The following ARHGAP22 variants were observed in gnomAD, a reference collection of about 807,000 sequenced individuals.
The protein encoded by ARHGAP22 is rho GTPase-activating protein 22.
A neutral mutation model predicts 59.1 loss-of-function variants in ARHGAP22; 48 were observed. The ratio of observed to expected loss-of-function variants is 0.81; its 90% CI spans 0.64 to 1.03. The LOEUF is 1.03. Ranked by LOEUF, ARHGAP22 falls within the 50% of genes least tolerant of loss-of-function variation. The pLI is 0.00. For missense variants in ARHGAP22, 1,015 were observed against 958.7 expected, an observed-to-expected ratio of 1.06 and a Z score of -0.78; for synonymous variants, 445 against 416.4, an observed-to-expected ratio of 1.07 and a Z score of -0.84.
intron 3 of ARHGAP22, among the ~76,000 whole-genome samples, chr10:48,482,655 T>C (rs912698377): frequency 6.6e-6 from 1 of 152,228 alleles, no homozygotes; most frequent in Non-Finnish European, 1.5e-5. Context: ...AGGTTTTTTT[T>C]ATTGATACAT....
intron 1 of ARHGAP22, among the ~76,000 whole-genome samples, chr10:48,643,111 A>C (rs900958625): frequency 6.6e-6 from 1 of 152,216 alleles, no homozygotes; most frequent in Non-Finnish European, 1.5e-5. Flanking sequence ...GAGGATGTGG[A>C]GAAATAGGAA....
At chr10:48,535,844 GA>G (rs937357024) in intron 3 of ARHGAP22, among the ~76,000 whole-genome samples, 15 of 152,274 alleles carry the variant, frequency 9.9e-5, no homozygotes, top group African/African-American at 3.4e-4. Flanking sequence ...GCTGTGATAT[GA>G]AAAAAAGAGA....
At chr10:48,548,567 C>T (rs1377391630) in intron 3 of ARHGAP22, among the ~76,000 whole-genome samples, 4 of 152,334 alleles carry the variant, frequency 2.6e-5, no homozygotes, top group African/African-American at 7.2e-5. Context: ...GACAGGCCTG[C>T]TCTGGGATCT....
chr10:48,628,758 A>G (rs972444109), intron 1 of ARHGAP22, among the ~76,000 whole-genome samples: 3 of 152,108 alleles, frequency 2.0e-5, no homozygotes, highest in African/African-American at 7.2e-5. Context: ...ACACCTTCCC[A>G]TTCCCCAGGT....
At chr10:48,454,857 GCCCCCACCACAC>G in intron 6 of ARHGAP22, 133 bp downstream of exon 6, 1 of 1,079,206 alleles carries the variant, frequency 9.3e-7, no homozygotes, top group Non-Finnish European at 1.2e-6. Flanking sequence ...GATGCTCCAG[GCCCCCACCACAC>G]CCCCAACACA....
At chr10:48,451,285 C>T in intron 8 of ARHGAP22, 145 bp from the exon 9 acceptor site, 1 of 1,143,742 alleles carries the variant, frequency 8.7e-7, no homozygotes, top group Non-Finnish European at 1.3e-6. Context: ...TTCATCCGCC[C>T]AGAGGAAAGG....
At chr10:48,529,172 A>T (rs2054598298) in intron 3 of ARHGAP22, among the ~76,000 whole-genome samples, 1 of 152,192 alleles carries the variant, frequency 6.6e-6, no homozygotes, top group Non-Finnish European at 1.5e-5. Context: ...CTAGAGCGAG[A>T]TAGGGACTGG....
At chr10:48,474,268 C>T (rs2048497768) in intron 4 of ARHGAP22, among the ~76,000 whole-genome samples, 1 of 152,148 alleles carries the variant, frequency 6.6e-6, no homozygotes, top group Non-Finnish European at 1.5e-5. Flanking sequence ...CTACTGTACA[C>T]AAATAAAATT....
rs546860379 is a variant in ARHGAP22, at chr10:48,644,095, C to T, written c.52+8139G>A. ...CTGGGAGGCAGAGGTTGCGGTGAGC[C>T]GAGATCGTGCCATTGCACTCCAGCC... On this transcript the variant is annotated intron_variant, in intron 1 of 9. Coordinates refer to the ARHGAP22 transcript ENST00000435790. Among the ~76,000 whole-genome samples, 136 of 152,132 alleles carry T rather than the reference C, an allele frequency of 8.9e-4. 1 individual carries two copies. Among genetic ancestry groups the T allele is most frequent in the African/African-American group, 2.9e-3 (120 of 41,506 alleles).
exon 1 of ARHGAP22, chr10:48,652,320 A>G (rs1440658760): frequency 6.5e-7 from 1 of 1,530,698 alleles, no homozygotes; most frequent in South Asian, 1.2e-5. Flanking sequence ...TTTCTTCTGT[A>G]TCCTTTTTAT....
At chr10:48,647,546 C>A (rs1192255625) in intron 1 of ARHGAP22, among the ~76,000 whole-genome samples, 5 of 151,608 alleles carry the variant, frequency 3.3e-5, no homozygotes, top group Non-Finnish European at 7.4e-5. Context: ...AAAACAATAG[C>A]AAGTGTTGGT....
chr10:48,480,061 C>A (rs2049145766), intron 3 of ARHGAP22, among the ~76,000 whole-genome samples: 1 of 152,178 alleles, frequency 6.6e-6, no homozygotes, highest in South Asian at 2.1e-4. Context: ...AGATGTTAGG[C>A]CAGCTCAGAG....
intron 1 of ARHGAP22, among the ~76,000 whole-genome samples, chr10:48,633,410 T>A (rs2061694635): frequency 6.6e-6 from 1 of 152,232 alleles, no homozygotes; most frequent in Non-Finnish European, 1.5e-5. Context: ...AAGGAAACAA[T>A]TCTCAGCCAG....
chr10:48,566,665 C>T (rs1394376699), intron 2 of ARHGAP22, among the ~76,000 whole-genome samples: 4 of 152,200 alleles, frequency 2.6e-5, no homozygotes, highest in Non-Finnish European at 2.9e-5. Context: ...GTCAGCAGAT[C>T]GGACCTGGGA....
chr10:48,571,840 T>C (rs1387037291), intron 2 of ARHGAP22, among the ~76,000 whole-genome samples: 1 of 152,208 alleles, frequency 6.6e-6, no homozygotes, highest in African/African-American at 2.4e-5. Flanking sequence ...GTGGTTTTTC[T>C]CTCATTCACG....
At chr10:48,478,072 G>A (rs2048911939) in intron 4 of ARHGAP22, among the ~76,000 whole-genome samples, 1 of 151,958 alleles carries the variant, frequency 6.6e-6, no homozygotes, top group African/African-American at 2.4e-5. Flanking sequence ...TTCCTTCCCT[G>A]GTGCTCAAAA....
chr10:48,450,518 C>T lies in ARHGAP22; in HGVS notation c.1611G>A (p.Ser537=). 3 of 1,525,192 alleles carry T rather than the reference C, an allele frequency of 2.0e-6. No individual in the cohort carries two copies. The highest frequency in any genetic ancestry group is 1.8e-6 in the Non-Finnish European group (2 of 1,136,396). The allele number at this position is 1,525,192 out of a possible 1,614,324, so 94.5% of individuals were successfully genotyped here. The change falls in exon 9 of 10, where the codon TCG becomes TCA. Residue 537 remains serine, a synonymous_variant. Transcript: ENST00000249601. ...SSCTACRASD[S]SARSSLHTDW... ...CGGTGTGCAGGGAACTGCGGGCAGA[C>T]GAGTCGCTGGCGCGGCAGGCCGTGC...
chr10:48,466,066 G>C (rs1456129841), intron 4 of ARHGAP22, among the ~76,000 whole-genome samples: 1 of 152,126 alleles, frequency 6.6e-6, no homozygotes, highest in African/African-American at 2.4e-5. Flanking sequence ...GCCTGGAGGA[G>C]CACAGTAGAG....
chr10:48,615,342 A>G (rs1219127671), intron 1 of ARHGAP22, among the ~76,000 whole-genome samples: 1 of 152,266 alleles, frequency 6.6e-6, no homozygotes, highest in East Asian at 1.9e-4. Flanking sequence ...CTAACTGACC[A>G]TTAAGCTAAT....
Sources: gnomAD v4.1 joint callset for allele counts (sites outside exome capture counted in the v4.1 genomes callset) on GRCh38, gnomAD v4.1.1 for gene constraint, MANE v1.5 for transcripts, NCBI Gene and HGNC (gene_info 2026-07-23, HGNC 2026-07-21) for gene names.